Variants in GALNT9 observed in about 807,000 individuals in gnomAD.
GALNT9 encodes the protein GalNAc transferase 9.
In GALNT9, 47 loss-of-function variants were observed where a neutral mutation model predicts 63.1. The observed-to-expected ratio is 0.75, with a 90% CI of 0.59 to 0.95. GALNT9 has a LOEUF of 0.95. Ranked by LOEUF, GALNT9 falls within the 40% of genes least tolerant of loss-of-function variation. GALNT9 has a pLI of 0.00. For synonymous variants in GALNT9, 396 were observed against 365.7 expected (o/e 1.08, Z -0.94); for missense variants, 829 against 874.8 (o/e 0.95, Z 0.66).
Position 132,329,424 on chromosome 12 carries a change from C to A in GALNT9, c.-221G>T. On this transcript the variant is annotated 5_prime_UTR_variant, in exon 1 of 11. Transcript: ENST00000328957. ...GCTGCCCGGGGCTGGGGTCGCGGGG[C>A]GCGGCCGGCATCCCCCGCTCAGAGG... The A allele has an allele frequency of 2.3e-6, 1 of 444,268 alleles. No homozygotes were observed. The highest frequency in any genetic ancestry group is 3.3e-6 in the Non-Finnish European group (1 of 298,972). 27.5% of individuals were successfully genotyped at this position (444,268 alleles called of 1,614,324 possible). A position where few individuals can be genotyped will look rare whatever the true frequency, so the allele number is the denominator to read the frequency against.
intron 6 of GALNT9, among the ~76,000 whole-genome samples, 173 bp from the exon 7 acceptor site, chr12:132,203,863 G>C (rs1372934185): frequency 6.6e-6 from 1 of 152,132 alleles, no homozygotes; most frequent in African/African-American, 2.4e-5. Flanking sequence ...GTTTTCAGGG[G>C]ACCCCGCCCA....
At chr12:132,266,198 G>A (rs1403258011) in intron 2 of GALNT9, among the ~76,000 whole-genome samples, 1 of 151,126 alleles carries the variant, frequency 6.6e-6, no homozygotes, top group Non-Finnish European at 1.5e-5. Context: ...AGCCAACCGC[G>A]GGCCTGTCTG....
chr12:132,310,761 C>T lies in GALNT9; in HGVS notation c.238+18205G>A, dbSNP rs565287022. On this transcript the variant is annotated intron_variant, in intron 1 of 10. Transcript: ENST00000328957. This position sits in a 1 kb window ranked among gnomAD's most constrained non-coding sequence, Gnocchi z 4.8. The stretch of plus-strand genomic sequence containing the variant: ...ATCGGGGAGGAAGGGGCAGAGGGAG[C>T]GCGCGCTGGGAAGGTGGGAGCCACG... Among the ~76,000 whole-genome samples the T allele has an allele frequency of 9.2e-5, 14 of 152,222 alleles. No homozygotes were observed. The South Asian group carries it at 1.4e-3, about 16-fold the overall frequency.
chr12:132,204,064 C>T (rs1331599653), intron 6 of GALNT9, among the ~76,000 whole-genome samples: 2 of 152,062 alleles, frequency 1.3e-5, no homozygotes, highest in Non-Finnish European at 2.9e-5. Context: ...CCACCTCCCC[C>T]AGCACCCGAA....
At position 132,245,236 on chromosome 12, in the gene GALNT9, G is replaced by GT. The variant is rs1406720226; in HGVS notation, c.1077+2673dup. Among the ~76,000 whole-genome samples, 1 of 152,088 alleles carries GT rather than the reference G, an allele frequency of 6.6e-6. No homozygotes were observed. The highest frequency in any genetic ancestry group is 1.5e-5 in the Non-Finnish European group (1 of 68,020). ...GCGGGCAGATCACCTGAGCTCAGGA[G>GT]TTTGAGACTAGCCTGATCAACATGG... On this transcript the variant is annotated intron_variant, in intron 6 of 10. Coordinates refer to ENST00000328957, the MANE Select transcript of GALNT9 (RefSeq NM_001122636.2). The surrounding 1 kb of genome is among the most constrained non-coding windows in gnomAD (Gnocchi z 6.3).
At chr12:132,271,955 AC>A (rs1459524221) in intron 2 of GALNT9, among the ~76,000 whole-genome samples, 1 of 151,942 alleles carries the variant, frequency 6.6e-6, no homozygotes, top group Non-Finnish European at 1.5e-5. Flanking sequence ...TGTGTCTCTG[AC>A]CCTTGGGGAC....
intron 1 of GALNT9, among the ~76,000 whole-genome samples, chr12:132,324,675 C>T (rs113305391): frequency 2.6e-5 from 4 of 152,140 alleles, no homozygotes; most frequent in South Asian, 4.1e-4. Context: ...TCTAGACCGC[C>T]GCCCTCTGCA....
At chr12:132,281,000 C>CCCCCTGCAGCCAGG (rs1297314978) in intron 2 of GALNT9, 25 of 152,696 alleles carry the variant, frequency 1.6e-4, no homozygotes, top group Non-Finnish European at 5.8e-5. Flanking sequence ...CTGCAGCCAG[C>CCCCCTGCAGCCAGG]CCCCTGCAGC....
At chr12:132,293,163 TG>T (rs1191133902) in intron 1 of GALNT9, among the ~76,000 whole-genome samples, 36 of 151,214 alleles carry the variant, frequency 2.4e-4, no homozygotes, top group African/African-American at 8.3e-4. Flanking sequence ...GGGGACTGAG[TG>T]GGGGGGCTCA....
At chr12:132,248,093 T>C (rs1878785066) in intron 5 of GALNT9, 66 bp from the exon 6 acceptor site, 27 of 1,498,840 alleles carry the variant, frequency 1.8e-5, no homozygotes, top group Non-Finnish European at 2.4e-5. Context: ...TGCTGGGCCA[T>C]GAGCCAGGAA....
At chr12:132,203,787 C>G in intron 6 of GALNT9, 97 bp from the exon 7 acceptor site, 1 of 1,367,068 alleles carries the variant, frequency 7.3e-7, no homozygotes, top group South Asian at 1.3e-5. Context: ...GCCCGGCCCT[C>G]TGTTCCTGGG....
At chr12:132,201,377 C>G (rs1413019797) in intron 7 of GALNT9, 116 bp from the exon 8 acceptor site, 25 of 662,736 alleles carry the variant, frequency 3.8e-5, no homozygotes, top group South Asian at 1.5e-4. Context: ...CAGCCTCCCC[C>G]CCAGTATTCA....
At chr12:132,243,234 C>A (rs1878517152) in intron 6 of GALNT9, among the ~76,000 whole-genome samples, 15 of 138,118 alleles carry the variant, frequency 1.1e-4, no homozygotes, top group South Asian at 2.2e-4. Flanking sequence ...ACACACACGC[C>A]ACACCCCCTT....
intron 1 of GALNT9, among the ~76,000 whole-genome samples, chr12:132,313,630 C>T (rs1593121842): frequency 6.8e-6 from 1 of 146,838 alleles, no homozygotes; most frequent in South Asian, 2.2e-4. Context: ...ACCCATCCAT[C>T]CACCTACCCA....
At chr12:132,307,865 C>T (rs1053764167) in intron 1 of GALNT9, among the ~76,000 whole-genome samples, 1 of 149,534 alleles carries the variant, frequency 6.7e-6, no homozygotes, top group Non-Finnish European at 1.5e-5. Flanking sequence ...CCACAAAAAA[C>T]AAGTGTCTTA....
chr12:132,196,413 A>G lies in GALNT9; in HGVS notation c.*694T>C, dbSNP rs1444598438. The G allele has an allele frequency of 7.1e-6, 7 of 984,604 alleles. No individual in the cohort carries two copies. The highest frequency in any genetic ancestry group is 3.5e-5 in the African/African-American group (2 of 57,228). 61.0% of individuals were successfully genotyped at this position (984,604 alleles called of 1,614,324 possible). On this transcript the variant is annotated 3_prime_UTR_variant, in exon 11 of 11. Transcript: ENST00000328957. ...TAAAACTGTATTTATTAAAACAGGC[A>G]AGGGGCTGGGCTGCGGCAGGGCCCA...
chr12:132,204,137 GA>G (rs1273306452), intron 6 of GALNT9, among the ~76,000 whole-genome samples: 1 of 143,690 alleles, frequency 7.0e-6, no homozygotes, highest in African/African-American at 2.6e-5. Flanking sequence ...CGCATCCCCA[GA>G]ACACACACAA....
chr12:132,213,419 CAT>C lies in GALNT9; in HGVS notation c.1078-9731_1078-9730del, dbSNP rs1877046110. 1.3e-5 allele frequency among the ~76,000 whole-genome samples: 2 copies of C among 152,258 alleles called. 1 individual carries two copies. Among genetic ancestry groups the C allele is most frequent in the South Asian group, 4.1e-4 (2 of 4,830 alleles). On this transcript the variant is annotated intron_variant, in intron 6 of 10. Coordinates refer to ENST00000328957, the MANE Select transcript of GALNT9 (RefSeq NM_001122636.2). ...GCACCGCAGATGCACACGTGTGCAA[CAT>C]AATCACTCAGTCAAGCATACACATG... is the stretch of plus-strand genomic sequence containing the variant.
Position 132,208,926 on chromosome 12 carries a change from C to T in GALNT9, c.1078-5236G>A, listed in dbSNP as rs137888145. Among the ~76,000 whole-genome samples, 662 of 152,292 alleles carry T rather than the reference C, an allele frequency of 4.3e-3. 15 individuals are homozygous for T. In the East Asian group the frequency reaches 0.066, roughly 15 times the overall value. On this transcript the variant is annotated intron_variant, in intron 6 of 10. Coordinates refer to ENST00000328957, the MANE Select transcript of GALNT9 (RefSeq NM_001122636.2). Reference sequence around the variant, plus strand: ...AGTTACTAGCCATGCATCCCCACTGCCCAAGACAATCCGAGTTGATACCCC... The same window carrying T: ...AGTTACTAGCCATGCATCCCCACTGTCCAAGACAATCCGAGTTGATACCCC...
Sources: gnomAD v4.1 joint callset for allele counts (sites outside exome capture counted in the v4.1 genomes callset) on GRCh38, gnomAD v4.1.1 for gene constraint, Gnocchi (gnomAD v3.1) non-coding constraint, MANE v1.5 for transcripts, NCBI Gene and HGNC (gene_info 2026-07-23, HGNC 2026-07-21) for gene names.